Variants in STARD13 observed in about 807,000 individuals in gnomAD.
The protein encoded by STARD13 is stAR-related lipid transfer protein 13.
STARD13 carries 62 observed loss-of-function variants against 106.4 expected under a neutral mutation model. The ratio of observed to expected loss-of-function variants is 0.58; its 90% confidence interval spans 0.48 to 0.72. STARD13 has a LOEUF of 0.72. Ranked by LOEUF, STARD13 falls within the 30% of genes least tolerant of loss-of-function variation. The pLI is 0.00. For synonymous variants in STARD13, 565 were observed against 553.0 expected (o/e 1.02, Z -0.31); for missense variants, 1,387 against 1,424.0 (o/e 0.97, Z 0.42).
chr13:33,517,004 G>A, the STARD13 span, among the ~76,000 whole-genome samples: 1 of 150,994 alleles, frequency 6.6e-6, no homozygotes, highest in South Asian at 2.1e-4. Context: ...TTTGTGTGTT[G>A]ATTACATGTC....
At chr13:33,187,587 G>A (rs1373936139) in intron 1 of STARD13, among the ~76,000 whole-genome samples, 1 of 151,918 alleles carries the variant, frequency 6.6e-6, no homozygotes, top group Non-Finnish European at 1.5e-5. Flanking sequence ...TAGTGCATGA[G>A]TCTTAGCTTT....
At chr13:33,163,734 CAT>C (rs747016619) in intron 3 of STARD13, among the ~76,000 whole-genome samples, 27 of 72,944 alleles carry the variant, frequency 3.7e-4, no homozygotes, top group South Asian at 5.3e-4. Flanking sequence ...ATATATAAAA[CAT>C]ATATATATAA....
chr13:33,398,423 C>T, the STARD13 span, among the ~76,000 whole-genome samples: 2 of 151,988 alleles, frequency 1.3e-5, no homozygotes. Context: ...TCTTAAGACA[C>T]TAAAACATGA....
chr13:33,496,485 T>C, the STARD13 span, among the ~76,000 whole-genome samples: 2 of 151,952 alleles, frequency 1.3e-5, no homozygotes, highest in Non-Finnish European at 2.9e-5. Context: ...ATTTTTAATA[T>C]ACAGTTCTCT....
the STARD13 span, among the ~76,000 whole-genome samples, chr13:33,487,470 T>C: frequency 6.6e-6 from 1 of 152,086 alleles, no homozygotes; most frequent in Admixed American, 6.5e-5. Context: ...TTAAATAGTC[T>C]GTGAAAAGAA....
chr13:33,354,719 G>T (rs2078109522), upstream of STARD13, among the ~76,000 whole-genome samples: 1 of 151,820 alleles, frequency 6.6e-6, no homozygotes, highest in Non-Finnish European at 1.5e-5. Context: ...TGGTGATATT[G>T]CTTCATTCTC....
the STARD13 span, among the ~76,000 whole-genome samples, chr13:33,459,288 A>G: frequency 3.3e-5 from 5 of 152,136 alleles, no homozygotes; most frequent in Non-Finnish European, 7.3e-5. Flanking sequence ...GTGACTAAGC[A>G]TGTGCCTTCT....
the STARD13 span, among the ~76,000 whole-genome samples, chr13:33,648,783 CTTTTTT>C: frequency 2.6e-5 from 2 of 77,010 alleles, no homozygotes; most frequent in East Asian, 8.1e-4. Flanking sequence ...TTTTCTCTTT[CTTTTTT>C]TTTTTTTTTT....
chr13:33,299,636 C>G (rs7318974), intron 1 of STARD13, among the ~76,000 whole-genome samples: 5,963 of 152,204 alleles, frequency 0.039, 362 homozygotes, highest in African/African-American at 0.13. Flanking sequence ...AGAAGTTATC[C>G]TGTGGTTTTG....
intron 1 of STARD13, among the ~76,000 whole-genome samples, chr13:33,232,602 G>A (rs1319254347): frequency 1.3e-5 from 2 of 152,046 alleles, no homozygotes; most frequent in Non-Finnish European, 2.9e-5. Context: ...CCAGAATCTT[G>A]CAGTCATGCT....
chr13:33,370,537 A>G, the STARD13 span, among the ~76,000 whole-genome samples: 1 of 151,798 alleles, frequency 6.6e-6, no homozygotes, highest in Non-Finnish European at 1.5e-5. Flanking sequence ...CAGCATTCTT[A>G]TGTAAAACAA....
rs1555239808 is a variant in STARD13 at position 33,163,605 on chromosome 13, A to AAAAAC, written c.323+1731_323+1732insGTTTT. Among the ~76,000 whole-genome samples the AAAAAC allele has an allele frequency of 8.2e-5, 8 of 97,610 alleles. No individual in the cohort carries two copies. In the South Asian group the frequency reaches 1.4e-3, roughly 17 times the overall value. The allele number at this position is 97,610 out of a possible 152,430, so 64.0% of individuals were successfully genotyped here. A position where few individuals can be genotyped will look rare whatever the true frequency, so the allele number is the denominator to read the frequency against. On this transcript the variant is annotated intron_variant, in intron 3 of 13. Coordinates refer to ENST00000336934, the MANE Select transcript of STARD13 (RefSeq NM_178006.4). The stretch of plus-strand genomic sequence containing the variant: ...ACTCTGTCTCAAAAAAAAAAAAAAA[A>AAAAAC]ATATATATATATATATATAAAACAT...
At chr13:33,554,285 G>A in the STARD13 span, among the ~76,000 whole-genome samples, 5 of 152,164 alleles carry the variant, frequency 3.3e-5, no homozygotes, top group African/African-American at 1.2e-4. Context: ...TTCTAAGTGG[G>A]ATGCAGCTCT....
chr13:33,202,946 A>T (rs887532596), intron 1 of STARD13, among the ~76,000 whole-genome samples: 2 of 152,238 alleles, frequency 1.3e-5, no homozygotes, highest in Middle Eastern at 3.2e-3. Flanking sequence ...AATGACGGGC[A>T]GAATTTATTA....
At chr13:33,412,563 A>C in the STARD13 span, among the ~76,000 whole-genome samples, 37 of 152,318 alleles carry the variant, frequency 2.4e-4, no homozygotes, top group African/African-American at 8.9e-4. Context: ...GAACCACTTT[A>C]TGCTGTCTAT....
chr13:33,148,304 G>C (rs1406940247), intron 3 of STARD13, among the ~76,000 whole-genome samples: 1 of 152,166 alleles, frequency 6.6e-6, no homozygotes, highest in Non-Finnish European at 1.5e-5. Flanking sequence ...TATATACAGA[G>C]AGAGCATATT....
the STARD13 span, among the ~76,000 whole-genome samples, chr13:33,584,309 G>T: frequency 6.6e-6 from 1 of 152,140 alleles, no homozygotes; most frequent in Non-Finnish European, 1.5e-5. Context: ...CTTGGCTTCT[G>T]GGGAGGCCTC....
chr13:33,538,695 A>C, the STARD13 span, among the ~76,000 whole-genome samples: 3 of 152,074 alleles, frequency 2.0e-5, no homozygotes, highest in Middle Eastern at 6.3e-3. Context: ...GCATACCAGG[A>C]AACAGAAGAA....
chr13:33,220,903 G>C (rs1183105368), intron 1 of STARD13, among the ~76,000 whole-genome samples: 1 of 152,110 alleles, frequency 6.6e-6, no homozygotes. Context: ...CAAAGTTATA[G>C]AGAACTGCAA....
Sources: gnomAD v4.1 joint callset for allele counts (sites outside exome capture counted in the v4.1 genomes callset) on GRCh38, gnomAD v4.1.1 for gene constraint, MANE v1.5 for transcripts, NCBI Gene and HGNC (gene_info 2026-07-23, HGNC 2026-07-21) for gene names.